Variants in NEB observed in about 807,000 individuals in gnomAD.
The protein encoded by NEB is nemaline myopathy type 2.
In NEB, 512 loss-of-function variants were observed where a neutral mutation model predicts 952.2. The ratio of observed to expected loss-of-function variants is 0.54; its 90% CI spans 0.50 to 0.58. NEB has a LOEUF of 0.58. Among genes scored for constraint, NEB ranks in the 20% least tolerant of loss-of-function variants. NEB has a pLI of 0.00. For missense variants in NEB, 8,428 were observed against 9,231.1 expected, an observed-to-expected ratio of 0.91 and a Z score of 3.56; for synonymous variants, 2,900 against 3,149.8, an observed-to-expected ratio of 0.92 and a Z score of 2.66.
chr2:151,712,849 T>C (rs981659160), intron 10 of NEB, among the ~76,000 whole-genome samples: 5 of 151,866 alleles, frequency 3.3e-5, no homozygotes, highest in Non-Finnish European at 7.4e-5. Flanking sequence ...CACGTCAGGG[T>C]CCAACATTCA....
At position 151,694,546 on chromosome 2, in the gene NEB, T is replaced by C; in HGVS notation, c.1758A>G (p.Lys586=). ...KVDAIPLLAA[K]ANTKNTSDVM... ...CATCGCTGGTGTTCTTGGTGTTGGCTTTGGCTGCCAGCAGGGGAATGGCAT... is the reference window on the plus strand; with the variant it reads ...CATCGCTGGTGTTCTTGGTGTTGGCCTTGGCTGCCAGCAGGGGAATGGCAT... The change falls in exon 19 of 182, where the codon AAA becomes AAG. Residue 586 remains lysine (K), a synonymous_variant. Transcript: ENST00000397345. 2 of 1,613,122 alleles carry C rather than the reference T, an allele frequency of 1.2e-6. No homozygotes were observed. Among genetic ancestry groups the C allele is most frequent in the Non-Finnish European group, 1.7e-6 (2 of 1,179,374 alleles).
chr2:151,614,201 G>A (rs1210089140), intron 77 of NEB, 75 bp downstream of exon 77: 37 of 1,532,434 alleles, frequency 2.4e-5, no homozygotes, highest in Non-Finnish European at 3.3e-5. Context: ...TCACCAGACT[G>A]TGGAAAGATT....
chr2:151,695,639 T>C lies in NEB; in HGVS notation c.1613A>G (p.His538Arg), dbSNP rs925195870. 8.7e-6 allele frequency: 14 copies of C among 1,613,844 alleles called. No homozygotes were observed. Among genetic ancestry groups the C allele is most frequent in the Admixed American group, 1.7e-5 (1 of 59,990 alleles). ...AKHESEKFKC[H>R]IPPDTPAFIQ... ...AAAAGCAGGAGTATCAGGGGGGATATGGCACTTGAACTTTTCACTTTCATG... is the reference window on the plus strand; with the variant it reads ...AAAAGCAGGAGTATCAGGGGGGATACGGCACTTGAACTTTTCACTTTCATG... The change falls in exon 18 of 182, where the codon CAT becomes CGT. Residue 538 changes from histidine to arginine, a missense_variant. Around this residue, in one of 11 missense-constraint regions of NEB, gnomAD observed 2,851 missense variants for 2,791.5 expected, o/e 1.02. Transcript: ENST00000397345.
chr2:151,570,691 G>T, intron 107 of NEB, 90 bp from the exon 108 acceptor site: 1 of 1,165,714 alleles, frequency 8.6e-7, no homozygotes, highest in Non-Finnish European at 1.3e-6. Flanking sequence ...CAGGGGCACA[G>T]TTTTGAAGCC....
intron 13 of NEB, among the ~76,000 whole-genome samples, chr2:151,700,793 A>G (rs1370224792): frequency 2.2e-5 from 3 of 137,868 alleles, no homozygotes; most frequent in African/African-American, 5.5e-5. Context: ...CTAGATATAC[A>G]ATCATGTCGT....
At chr2:151,554,686 T>C (rs2095533037) in intron 125 of NEB, among the ~76,000 whole-genome samples, 1 of 152,240 alleles carries the variant, frequency 6.6e-6, no homozygotes, top group African/African-American at 2.4e-5. Context: ...AAGATTATAA[T>C]GCTGAGTTTT....
At chr2:151,558,324 C>T (rs1485865823) in intron 124 of NEB, among the ~76,000 whole-genome samples, 2 of 152,150 alleles carry the variant, frequency 1.3e-5, no homozygotes, top group Non-Finnish European at 2.9e-5. Flanking sequence ...TGAAGGACCT[C>T]TTCAAGGAGA....
chr2:151,501,537 A>AGACTT (rs895224653), intron 167 of NEB, 54 bp from the exon 168 acceptor site: 23 of 1,024,398 alleles, frequency 2.2e-5, no homozygotes, highest in Admixed American at 1.0e-4. Flanking sequence ...TTTTTTAGGT[A>AGACTT]GACTTAACCT....
intron 135 of NEB, among the ~76,000 whole-genome samples, chr2:151,542,129 C>T (rs1559724865): frequency 1.3e-5 from 2 of 152,190 alleles, no homozygotes; most frequent in Non-Finnish European, 2.9e-5. Context: ...GCAACTGAAG[C>T]TGCTCAGTGT....
intron 27 of NEB, 108 bp downstream of exon 27, chr2:151,687,311 T>C (rs1018042649): frequency 2.2e-6 from 2 of 901,620 alleles, no homozygotes; most frequent in Non-Finnish European, 3.5e-6. Context: ...TTTGTGAATG[T>C]GATGTGAAAG....
At chr2:151,625,981 A>T (rs1381601099) in intron 70 of NEB, among the ~76,000 whole-genome samples, 3 of 152,196 alleles carry the variant, frequency 2.0e-5, no homozygotes, top group Non-Finnish European at 2.9e-5. Context: ...CTGTAGTATG[A>T]CTATATTAAC....
At position 151,508,083 on chromosome 2, in the gene NEB, C is replaced by G; in HGVS notation, c.23373G>C (p.Lys7791Asn). 1.9e-6 allele frequency: 3 copies of G among 1,608,952 alleles called. No individual in the cohort carries two copies. The highest frequency in any genetic ancestry group is 2.5e-6 in the Non-Finnish European group (3 of 1,177,260). ...AAACAGTCTCATAATACGACATGGA[C>G]TTCTCAGCATCTTCCTTGTACTTTT... ...SQKKYKEDAE[K>N]SMSYYETVLD... Residue 7791 changes from lysine (K) to asparagine (N), a missense_variant, in exon 162 of 182, where the codon AAG becomes AAC. Physicochemically the swap from Lys to Asn is moderately conservative, Grantham distance 94 (BLOSUM62 0). Around this residue, in one of 11 missense-constraint regions of NEB, gnomAD observed 3,374 missense variants for 3,651.5 expected, o/e 0.92. Transcript: ENST00000397345.
At chr2:151,645,018 G>A (rs2098936390) in intron 55 of NEB, among the ~76,000 whole-genome samples, 1 of 152,146 alleles carries the variant, frequency 6.6e-6, no homozygotes, top group Non-Finnish European at 1.5e-5. Context: ...ATTAATATTT[G>A]TCTATCTAAA....
intron 77 of NEB, 22 bp from the exon 78 acceptor site, chr2:151,612,411 A>G (rs774454653): frequency 1.9e-6 from 3 of 1,597,964 alleles, no homozygotes; most frequent in South Asian, 2.2e-5. Context: ...ATAATGTCAA[A>G]TATTTATAGA....
At chr2:151,613,083 G>A (rs1446209216) in intron 77 of NEB, among the ~76,000 whole-genome samples, 1 of 152,044 alleles carries the variant, frequency 6.6e-6, no homozygotes, top group African/African-American at 2.4e-5. Flanking sequence ...GGCTTTCAGG[G>A]AATCTCTCTT....
chr2:151,643,753 G>T, intron 57 of NEB, 65 bp downstream of exon 57: 1 of 1,574,502 alleles, frequency 6.4e-7, no homozygotes, highest in African/African-American at 1.3e-5. Flanking sequence ...TGCTCACTAT[G>T]GGACTCTGAT....
At chr2:151,531,308 CTTTTTTTTTTTTTTT>C (rs1159075000) in intron 144 of NEB, among the ~76,000 whole-genome samples, 14 of 84,010 alleles carry the variant, frequency 1.7e-4, no homozygotes, top group Non-Finnish European at 1.3e-4. Flanking sequence ...TTTTTTCTTT[CTTTTTTTTTTTTTTT>C]TTTTTTTTTT....
chr2:151,521,178 T>C (rs752157470), intron 153 of NEB, among the ~76,000 whole-genome samples: 122 of 152,152 alleles, frequency 8.0e-4, no homozygotes, highest in South Asian at 4.4e-3. Flanking sequence ...ACTTGACACA[T>C]CCAGCACAAC....
Position 151,530,667 on chromosome 2 carries a change from A to G in NEB, c.21630+327T>C, listed in dbSNP as rs558850676. The G allele has an allele frequency of 7.4e-5, 16 of 216,082 alleles. No individual in the cohort carries two copies. In the South Asian group the frequency reaches 2.7e-3, roughly 36 times the overall value. The allele number at this position is 216,082 out of a possible 1,614,324, so 13.4% of individuals were successfully genotyped here. On this transcript the variant is annotated intron_variant, in intron 145 of 181. Transcript: ENST00000397345. ...GGGGAGAAGTCCCAGGCATGTGGAG[A>G]GGCCACATGAAGGGGTTCCTGTCTC...
Sources: allele counts gnomAD v4.1 joint callset (sites outside exome capture counted in the v4.1 genomes callset), GRCh38; gene constraint gnomAD v4.1.1; regional missense constraint gnomAD v4.1.1; transcripts MANE v1.5; gene names NCBI Gene and HGNC (gene_info 2026-07-23, HGNC 2026-07-21).